ERBB4: variants seen among roughly 807,000 people sequenced by gnomAD.
ERBB4 encodes receptor tyrosine-protein kinase erbB-4.
Under a neutral mutation model 158.0 loss-of-function variants are expected in ERBB4, and 42 were observed. That is an observed-to-expected ratio of 0.27 (90% CI 0.21 to 0.34). The LOEUF (loss-of-function observed/expected upper bound fraction) is 0.34. ERBB4 is among the 10% of genes least tolerant of loss of function. The pLI is 1.00. For missense variants in ERBB4, 1,333 were observed against 1,624.1 expected (o/e 0.82, Z 3.08); for synonymous variants, 583 against 558.7 (o/e 1.04, Z -0.61).
chr2:212,455,212 T>C (rs1688219003), intron 1 of ERBB4, among the ~76,000 whole-genome samples: 1 of 152,152 alleles, frequency 6.6e-6, no homozygotes, highest in Admixed American at 6.6e-5. Flanking sequence ...CTCCCACCTT[T>C]CCAACAACCT....
intron 1 of ERBB4, among the ~76,000 whole-genome samples, chr2:212,475,749 T>C (rs1689354464): frequency 6.6e-6 from 1 of 152,180 alleles, no homozygotes; most frequent in Admixed American, 6.5e-5. Context: ...TTAAGTCTTA[T>C]GAATTAGAAC....
At chr2:211,808,985 G>C (rs2076685475) in intron 3 of ERBB4, among the ~76,000 whole-genome samples, 1 of 152,202 alleles carries the variant, frequency 6.6e-6, no homozygotes, top group African/African-American at 2.4e-5. Context: ...TTTGTATCCT[G>C]AGACTTTGCT....
chr2:211,673,202 C>T lies in ERBB4; in HGVS notation c.1678G>A (p.Glu560Lys). The T allele has an allele frequency of 2.5e-6, 4 of 1,613,876 alleles. No homozygotes were observed. Among genetic ancestry groups the T allele is most frequent in the African/African-American group, 1.3e-5 (1 of 75,020 alleles). The change falls in exon 14 of 28, where the codon GAG becomes AAG. Residue 560 changes from glutamate to lysine, a missense_variant. Glu to Lys is a moderately conservative substitution (Grantham distance 56). This residue lies in a region of ERBB4 where 245 missense variants were observed against 247.5 expected (regional missense o/e 0.99). Coordinates refer to ENST00000342788, the MANE Select transcript of ERBB4 (RefSeq NM_005235.3). The stretch of plus-strand genomic sequence containing the variant: ...GTGAGGAGGCCATCTTCCATCTTCT[C>T]ACACTGGGGGTCACACTCCACACAG... ...SICVECDPQCEKMEDGLLTCH... is the reference protein window; with the variant it reads ...SICVECDPQCKKMEDGLLTCH...
chr2:211,861,033 T>TA (rs2078008982), intron 3 of ERBB4, among the ~76,000 whole-genome samples: 2 of 8,754 alleles, frequency 2.3e-4, no homozygotes, highest in African/African-American at 1.1e-3. Context: ...TATATAAATA[T>TA]AATATATTTA....
Position 211,992,568 on chromosome 2 carries a change from A to C in ERBB4, c.235-44952T>G, listed in dbSNP as rs993573423. On this transcript the variant is annotated intron_variant, in intron 2 of 27. Transcript: ENST00000342788. ...GTGAGAGAGAGAGAGAGAGAGAGAG[A>C]AAAAAAAAAAAAACATGAGTTTGTC... Among the ~76,000 whole-genome samples, 345 of 76,574 alleles carry C rather than the reference A, an allele frequency of 4.5e-3. 3 individuals are homozygous for C. The highest frequency in any genetic ancestry group is 0.012 in the African/African-American group (335 of 27,394). 50.2% of individuals were successfully genotyped at this position (76,574 alleles called of 152,430 possible). A position where few individuals can be genotyped will look rare whatever the true frequency, so the allele number is the denominator to read the frequency against.
At chr2:212,412,798 A>G (rs1011430314) in intron 1 of ERBB4, among the ~76,000 whole-genome samples, 1 of 152,232 alleles carries the variant, frequency 6.6e-6, no homozygotes, top group African/African-American at 2.4e-5. Context: ...CTTGTCTCAC[A>G]AAGTAGATTA....
At chr2:212,256,763 A>C (rs2084754449) in intron 1 of ERBB4, among the ~76,000 whole-genome samples, 1 of 152,054 alleles carries the variant, frequency 6.6e-6, no homozygotes, top group African/African-American at 2.4e-5. Context: ...AAACCTACAC[A>C]TTTTTCTCAA....
At chr2:211,819,897 G>T (rs1461303396) in intron 3 of ERBB4, among the ~76,000 whole-genome samples, 1 of 151,810 alleles carries the variant, frequency 6.6e-6, no homozygotes, top group Non-Finnish European at 1.5e-5. Flanking sequence ...TTAGATGTGG[G>T]TGATAAAGGA....
At chr2:212,105,864 G>A (rs565180215) in intron 2 of ERBB4, among the ~76,000 whole-genome samples, 10 of 152,264 alleles carry the variant, frequency 6.6e-5, no homozygotes, top group Non-Finnish European at 1.0e-4. Context: ...AGTCATAGGA[G>A]ATCTGATAGT....
At chr2:211,746,827 C>CAAAA (rs11332306) in intron 5 of ERBB4, among the ~76,000 whole-genome samples, 20 of 105,698 alleles carry the variant, frequency 1.9e-4, no homozygotes, top group African/African-American at 5.2e-4. Context: ...GAGACTGTCT[C>CAAAA]AAAAAAAAAA....
intron 2 of ERBB4, among the ~76,000 whole-genome samples, chr2:212,054,575 C>G (rs984280114): frequency 3.3e-5 from 5 of 152,162 alleles, no homozygotes; most frequent in East Asian, 1.9e-4. Context: ...TTTCTTCTAG[C>G]AGGTCCCAGG....
At chr2:211,678,834 G>A (rs2072211419) in intron 13 of ERBB4, among the ~76,000 whole-genome samples, 1 of 152,026 alleles carries the variant, frequency 6.6e-6, no homozygotes, top group African/African-American at 2.4e-5. Context: ...GGGCATGGTG[G>A]CGGGCGCCTG....
intron 1 of ERBB4, among the ~76,000 whole-genome samples, chr2:212,133,589 G>A (rs1279856456): frequency 2.7e-5 from 4 of 150,218 alleles, no homozygotes; most frequent in Non-Finnish European, 5.9e-5. Flanking sequence ...AGGCATAGCT[G>A]TTCAGTAAAC....
chr2:211,418,788 C>G (rs747908128), intron 25 of ERBB4, among the ~76,000 whole-genome samples: 1 of 152,040 alleles, frequency 6.6e-6, no homozygotes, highest in African/African-American at 2.4e-5. Context: ...GTACAGAGAG[C>G]CTCCTTTATA....
intron 1 of ERBB4, among the ~76,000 whole-genome samples, chr2:212,502,942 T>C (rs1311052481): frequency 6.6e-6 from 1 of 152,160 alleles, no homozygotes; most frequent in Non-Finnish European, 1.5e-5. Flanking sequence ...AGCTAATTTT[T>C]CGTACAGACA....
intron 1 of ERBB4, among the ~76,000 whole-genome samples, chr2:212,448,665 A>G (rs1398893400): frequency 6.6e-6 from 1 of 152,160 alleles, no homozygotes; most frequent in African/African-American, 2.4e-5. Context: ...ACTGCATCCT[A>G]GGAGAAACCA....
intron 7 of ERBB4, among the ~76,000 whole-genome samples, chr2:211,718,256 A>G (rs537689172): frequency 2.0e-5 from 3 of 152,308 alleles, no homozygotes; most frequent in East Asian, 3.9e-4. Context: ...AAGAAAAAAT[A>G]GAGAACAAAA....
intron 1 of ERBB4, among the ~76,000 whole-genome samples, chr2:212,428,395 T>G (rs1685755935): frequency 6.6e-6 from 1 of 152,174 alleles, no homozygotes; most frequent in Admixed American, 6.6e-5. Context: ...TTTCCAGAGA[T>G]AATCTTCCTT....
At chr2:211,606,491 C>G (rs1373133251) in intron 19 of ERBB4, among the ~76,000 whole-genome samples, 1 of 151,356 alleles carries the variant, frequency 6.6e-6, no homozygotes, top group East Asian at 1.9e-4. Context: ...AATTGAATTA[C>G]CAAGTAGAAG....
Sources: gnomAD v4.1 joint callset for allele counts (sites outside exome capture counted in the v4.1 genomes callset) on GRCh38, gnomAD v4.1.1 for gene constraint, gnomAD v4.1.1 regional missense constraint, MANE v1.5 for transcripts, NCBI Gene and HGNC (gene_info 2026-07-23, HGNC 2026-07-21) for gene names.